Variants in MXD4 observed in about 807,000 individuals in gnomAD.
MXD4 encodes the protein Mad4 homolog.
In MXD4, 16 loss-of-function variants were observed where a neutral mutation model predicts 24.5. That is an observed-to-expected ratio of 0.65 (90% CI 0.44 to 0.99). MXD4 has a LOEUF of 0.99. Among genes scored for constraint, MXD4 ranks in the 50% least tolerant of loss-of-function variants. The pLI is 0.00. For synonymous variants in MXD4, 164 were observed against 134.2 expected, an observed-to-expected ratio of 1.22 and a Z score of -1.54; for missense variants, 301 against 301.5, an observed-to-expected ratio of 1.00 and a Z score of 0.01.
At chr4:2,256,175 C>T (rs1735424680) in intron 3 of MXD4, among the ~76,000 whole-genome samples, 2 of 152,188 alleles carry the variant, frequency 1.3e-5, no homozygotes, top group African/African-American at 4.8e-5. Context: ...GACCTTCCCC[C>T]AAAACACACT....
chr4:2,255,228 C>A, intron 3 of MXD4: 1 of 436,660 alleles, frequency 2.3e-6, no homozygotes, highest in South Asian at 1.6e-5. Context: ...GTCTCATCGG[C>A]AATGTTAGTG....
chr4:2,249,270 T>A lies in MXD4; in HGVS notation c.*1274A>T, dbSNP rs1395720375. Reference sequence around the variant, plus strand: ...GCCTGACACAAGACACAAGGCACACTTTGACGACGTGACGGAGGGACAGGT... The same window carrying A: ...GCCTGACACAAGACACAAGGCACACATTGACGACGTGACGGAGGGACAGGT... On this transcript the variant is annotated 3_prime_UTR_variant, in exon 6 of 6. Coordinates refer to ENST00000337190, the MANE Select transcript of MXD4 (RefSeq NM_006454.3). 6.6e-6 allele frequency: 1 copy of A among 152,650 alleles called. No homozygotes were observed. Among genetic ancestry groups the A allele is most frequent in the Non-Finnish European group, 1.5e-5 (1 of 68,052 alleles). 9.5% of individuals were successfully genotyped at this position (152,650 alleles called of 1,614,324 possible).
chr4:2,256,527 G>A (rs1470571391), intron 3 of MXD4, among the ~76,000 whole-genome samples: 1 of 152,204 alleles, frequency 6.6e-6, no homozygotes, highest in Non-Finnish European at 1.5e-5. Context: ...GGTAGGCTGT[G>A]ATCCAGGGCC....
chr4:2,251,227 C>A lies in MXD4; in HGVS notation c.329G>T (p.Arg110Leu), dbSNP rs772082970. 6.9e-6 allele frequency: 11 copies of A among 1,601,456 alleles called. No individual in the cohort carries two copies. The East Asian group carries it at 2.0e-4, about 29-fold the overall frequency. The change falls in exon 5 of 6, where the codon CGC (arginine) becomes CTC (leucine). Residue 110 changes from arginine to leucine, a missense_variant. Coordinates refer to ENST00000337190, the MANE Select transcript of MXD4 (RefSeq NM_006454.3). ...CTGCTCCTTGATGCTCAGTGCCCGGCGGTCCTGCTCCTCCAGTTTCTGGGG... is the reference window on the plus strand; with the variant it reads ...CTGCTCCTTGATGCTCAGTGCCCGGAGGTCCTGCTCCTCCAGTTTCTGGGG... ...VHIKKLEEQDRRALSIKEQLQ... is the reference protein window; with the variant it reads ...VHIKKLEEQDLRALSIKEQLQ...
chr4:2,260,719 T>C (rs1239298765), intron 2 of MXD4: 2 of 399,262 alleles, frequency 5.0e-6, no homozygotes, highest in East Asian at 1.5e-4. Flanking sequence ...GCCACAGAAA[T>C]GGGTCCCTAC....
chr4:2,251,933 T>C lies in MXD4; in HGVS notation c.309+475A>G, dbSNP rs572062970. ...TCCTTTGGGGGGCGGTCCCAGGGAA[T>C]GTCTCCCTGAGCCCAGACCCACTGC... is the stretch of plus-strand genomic sequence containing the variant. On this transcript the variant is annotated intron_variant, in intron 4 of 5. Transcript: ENST00000337190. Among the ~76,000 whole-genome samples the C allele has an allele frequency of 7.2e-5, 11 of 152,250 alleles. No homozygotes were observed. In the East Asian group the frequency reaches 1.9e-3, roughly 27 times the overall value.
intron 3 of MXD4, among the ~76,000 whole-genome samples, chr4:2,257,479 G>A (rs1735453859): frequency 6.6e-6 from 1 of 152,194 alleles, no homozygotes; most frequent in African/African-American, 2.4e-5. Flanking sequence ...GCCTCCGGCT[G>A]TCACCAGGAG....
At chr4:2,254,519 T>C (rs1735387598) in intron 3 of MXD4, 1 of 152,058 alleles carries the variant, frequency 6.6e-6, no homozygotes, top group African/African-American at 2.4e-5. Context: ...GACATTGCTG[T>C]GACAATCAGA....
At chr4:2,257,129 A>G (rs2108790636) in intron 3 of MXD4, among the ~76,000 whole-genome samples, 1 of 152,308 alleles carries the variant, frequency 6.6e-6, no homozygotes, top group African/African-American at 2.4e-5. Context: ...TCCCGGGAGA[A>G]CGGAAGTTGG....
chr4:2,252,575 C>A, intron 3 of MXD4, 53 bp from the exon 4 acceptor site: 1 of 1,333,558 alleles, frequency 7.5e-7, no homozygotes, highest in South Asian at 1.3e-5. Flanking sequence ...GGGCAGCAGG[C>A]AGTTTCCAGG....
chr4:2,250,749 A>G (rs755813834), intron 5 of MXD4, 48 bp from the exon 6 acceptor site: 6 of 1,584,590 alleles, frequency 3.8e-6, no homozygotes, highest in Non-Finnish European at 4.3e-6. Context: ...TGAGGGTGCC[A>G]GCCCATTTCT....
intron 3 of MXD4, chr4:2,253,972 AG>A (rs1323027209): frequency 6.6e-6 from 1 of 152,296 alleles, no homozygotes; most frequent in African/African-American, 2.4e-5. Context: ...GGAACTGTGT[AG>A]GCAAGAGGCC....
intron 3 of MXD4, chr4:2,253,856 T>G (rs1735371216): frequency 6.6e-6 from 1 of 152,202 alleles, no homozygotes; most frequent in Admixed American, 6.5e-5. Flanking sequence ...CATGCACAGG[T>G]GCAGGGAAAG....
chr4:2,260,426 C>T (rs968767998), intron 2 of MXD4: 1 of 389,940 alleles, frequency 2.6e-6, no homozygotes, highest in African/African-American at 2.1e-5. Flanking sequence ...AGGCAGTGTT[C>T]GGGCAGCCTT....
At chr4:2,259,231 G>T (rs968432942) in intron 2 of MXD4, among the ~76,000 whole-genome samples, 5 of 152,284 alleles carry the variant, frequency 3.3e-5, no homozygotes, top group East Asian at 1.9e-4. Flanking sequence ...CCAAGGGCCT[G>T]CCCCTCCCAC....
intron 4 of MXD4, among the ~76,000 whole-genome samples, 169 bp downstream of exon 4, chr4:2,252,239 C>G (rs945186273): frequency 6.6e-6 from 1 of 152,228 alleles, no homozygotes; most frequent in Non-Finnish European, 1.5e-5. Flanking sequence ...CTCCTCCACC[C>G]TGGCAAAACC....
intron 4 of MXD4, among the ~76,000 whole-genome samples, 164 bp from the exon 5 acceptor site, chr4:2,251,410 A>C (rs1735320585): frequency 6.6e-6 from 1 of 152,176 alleles, no homozygotes; most frequent in Admixed American, 6.5e-5. Context: ...CCAGCCCCAC[A>C]GCCTGAGGTG....
intron 3 of MXD4, among the ~76,000 whole-genome samples, chr4:2,256,660 C>T (rs1735436731): frequency 6.6e-6 from 1 of 152,166 alleles, no homozygotes; most frequent in East Asian, 1.9e-4. Flanking sequence ...CCACACACCC[C>T]TCCTCTGTGT....
At chr4:2,254,681 T>G (rs1012854320) in intron 3 of MXD4, 1 of 152,910 alleles carries the variant, frequency 6.5e-6, no homozygotes, top group African/African-American at 2.4e-5. Context: ...TGCCTCGATG[T>G]CACAACGGGC....
Sources: gnomAD v4.1 joint callset for allele counts (sites outside exome capture counted in the v4.1 genomes callset) on GRCh38, gnomAD v4.1.1 for gene constraint, MANE v1.5 for transcripts, NCBI Gene and HGNC (gene_info 2026-07-23, HGNC 2026-07-21) for gene names.